THADA: variants seen among roughly 807,000 people sequenced by gnomAD.
THADA encodes THADA armadillo repeat containing, also known as tRNA (32-2'-O)-methyltransferase regulator THADA.
THADA carries 213 observed loss-of-function variants against 219.8 expected under a neutral mutation model. The observed-to-expected ratio is 0.97, with a 90% CI of 0.87 to 1.09. THADA has a LOEUF of 1.09. THADA is among the 50% of genes least tolerant of loss of function. The pLI is 0.00. For synonymous variants in THADA, 1,018 were observed against 828.9 expected (o/e 1.23, Z -3.92); for missense variants, 2,956 against 2,311.3 (o/e 1.28, Z -5.72).
chr2:43,361,147 C>T (rs1573265729), intron 29 of THADA, among the ~76,000 whole-genome samples: 17 of 152,142 alleles, frequency 1.1e-4, no homozygotes, highest in Admixed American at 9.8e-4. Context: ...ACCAAGAATC[C>T]AGCCCAAAAT....
At chr2:43,436,368 C>T (rs976135490) in intron 26 of THADA, among the ~76,000 whole-genome samples, 3 of 152,198 alleles carry the variant, frequency 2.0e-5, no homozygotes, top group Admixed American at 6.5e-5. Flanking sequence ...GAGCCTTCCT[C>T]ACCAAGGAAA....
At chr2:43,414,748 G>A (rs1041435060) in intron 28 of THADA, among the ~76,000 whole-genome samples, 9 of 152,154 alleles carry the variant, frequency 5.9e-5, no homozygotes, top group Non-Finnish European at 1.0e-4. Flanking sequence ...TCCCCTCACT[G>A]CTTCTCTGAT....
At chr2:43,494,359 G>T (rs1688008304) in intron 25 of THADA, among the ~76,000 whole-genome samples, 1 of 152,084 alleles carries the variant, frequency 6.6e-6, no homozygotes, top group Non-Finnish European at 1.5e-5. Context: ...GCTGGTCTTG[G>T]TTAGTACCAC....
chr2:43,395,269 A>T (rs183222406), intron 29 of THADA, among the ~76,000 whole-genome samples: 2 of 152,352 alleles, frequency 1.3e-5, no homozygotes, highest in East Asian at 3.9e-4. Context: ...ACACTTTGAA[A>T]AGGCTGTTCT....
intron 4 of THADA, among the ~76,000 whole-genome samples, chr2:43,588,664 T>C (rs1339507648): frequency 6.6e-6 from 1 of 152,130 alleles, no homozygotes; most frequent in Admixed American, 6.5e-5. Context: ...CATTAGATTT[T>C]AAAAGATTTA....
chr2:43,527,990 T>C lies in THADA; in HGVS notation c.3265-2A>G, dbSNP rs747128580. 6.2e-7 allele frequency: 1 copy of C among 1,602,542 alleles called. No individual in the cohort carries two copies. Among genetic ancestry groups the C allele is most frequent in the Non-Finnish European group, 8.5e-7 (1 of 1,173,146 alleles). On this transcript the variant is annotated splice_acceptor_variant, in intron 21 of 37. Transcript: ENST00000405975. LOFTEE classifies it high-confidence loss of function. ...AAAGTAATCTCCTATTTCTTTTACC[T>C]TTAAAAAAAAAGCAAAAACAAATGT... is the stretch of plus-strand genomic sequence containing the variant.
intron 24 of THADA, among the ~76,000 whole-genome samples, chr2:43,504,428 C>T (rs1689398490): frequency 1.3e-5 from 2 of 152,094 alleles, no homozygotes; most frequent in African/African-American, 2.4e-5. Flanking sequence ...CATAAAATCC[C>T]CTTTCTTTTC....
At chr2:43,567,427 C>A (rs1433921928) in intron 14 of THADA, among the ~76,000 whole-genome samples, 1 of 151,902 alleles carries the variant, frequency 6.6e-6, no homozygotes, top group African/African-American at 2.4e-5. Context: ...GTCAGAAGTT[C>A]GAGACCAGCA....
At chr2:43,461,714 A>C (rs1352591850) in intron 26 of THADA, among the ~76,000 whole-genome samples, 1 of 152,248 alleles carries the variant, frequency 6.6e-6, no homozygotes, top group East Asian at 1.9e-4. Context: ...TTGGAGAGGC[A>C]GTTTCTCCCC....
chr2:43,485,095 G>C (rs1313667049), intron 26 of THADA, 139 bp downstream of exon 26: 7 of 611,486 alleles, frequency 1.1e-5, no homozygotes, highest in Non-Finnish European at 1.9e-5. Flanking sequence ...TGGCAGCATA[G>C]GTTAATTCAT....
intron 29 of THADA, among the ~76,000 whole-genome samples, chr2:43,374,794 T>C (rs571995051): frequency 2.0e-5 from 3 of 152,240 alleles, no homozygotes; most frequent in African/African-American, 4.8e-5. Context: ...TAGGCGACTA[T>C]ACAAATTGAT....
intron 22 of THADA, among the ~76,000 whole-genome samples, chr2:43,516,390 C>T (rs550789390): frequency 1.5e-4 from 23 of 152,102 alleles, no homozygotes; most frequent in Non-Finnish European, 2.9e-4. Context: ...TTCCTATGCT[C>T]ACACTACTCC....
Position 43,505,658 on chromosome 2 carries a change from A to C in THADA, c.3585T>G (p.Ala1195=). The stretch of plus-strand genomic sequence containing the variant: ...TACTCTGTATGTCATCTGTAGGCCC[A>C]GCCAAAGAGATTAACTCTTTCATTG... ...KITMKELISL[A]GPTDDIQSTV... Residue 1195 remains alanine (A), a synonymous_variant, in exon 24 of 38, where the codon GCT becomes GCG. Transcript: ENST00000405975. 1 of 1,597,580 alleles carries C rather than the reference A, an allele frequency of 6.3e-7. No homozygotes were observed. The highest frequency in any genetic ancestry group is 8.5e-7 in the Non-Finnish European group (1 of 1,170,944).
chr2:43,581,847 T>A lies in THADA; in HGVS notation c.615A>T (p.Val205=). Residue 205 remains valine, a synonymous_variant, in exon 8 of 38, where the codon GTA becomes GTT. Coordinates refer to ENST00000405975, the MANE Select transcript of THADA (RefSeq NM_022065.5). ...LVGIRVSMML[V]QKVQDFQGNL... is the part of the protein sequence containing the mutation. Reference sequence around the variant, plus strand: ...TTCCCTGGAAATCTTGTACTTTCTGTACTAACATCATTGAAACTCTAATGC... The same window carrying A: ...TTCCCTGGAAATCTTGTACTTTCTGAACTAACATCATTGAAACTCTAATGC... The A allele has an allele frequency of 1.2e-6, 2 of 1,612,518 alleles. No individual in the cohort carries two copies. The highest frequency in any genetic ancestry group is 1.7e-6 in the Non-Finnish European group (2 of 1,179,510).
rs770293416 is a variant in THADA at position 43,574,765 on chromosome 2, C to A, written c.1300G>T (p.Asp434Tyr). 6 of 1,613,990 alleles carry A rather than the reference C, an allele frequency of 3.7e-6. No individual in the cohort carries two copies. In the South Asian group the frequency reaches 6.6e-5, roughly 18 times the overall value. ...LTVEGADFVP[D>Y]PFFVELTESL... The stretch of plus-strand genomic sequence containing the variant: ...TCAGTCAATTCCACAAAGAAAGGAT[C>A]AGGGACGAAATCTGCACCTTCCACA... Residue 434 changes from aspartate to tyrosine, a missense_variant, in exon 11 of 38, where the codon GAT becomes TAT. Coordinates refer to ENST00000405975, the MANE Select transcript of THADA (RefSeq NM_022065.5).
chr2:43,568,983 T>C (rs1488182856), intron 14 of THADA, among the ~76,000 whole-genome samples: 2 of 152,168 alleles, frequency 1.3e-5, no homozygotes, highest in Admixed American at 1.3e-4. Flanking sequence ...TTATTAATTT[T>C]TTTGAAGCAG....
intron 26 of THADA, among the ~76,000 whole-genome samples, chr2:43,475,538 GT>G (rs1241601418): frequency 7.2e-5 from 11 of 151,768 alleles, no homozygotes; most frequent in African/African-American, 2.7e-4. Context: ...GTGAATTAGA[GT>G]TTATATTAAA....
intron 26 of THADA, among the ~76,000 whole-genome samples, chr2:43,432,334 T>C (rs998871578): frequency 1.3e-5 from 2 of 152,206 alleles, no homozygotes; most frequent in Non-Finnish European, 2.9e-5. Context: ...GCACAGAGTT[T>C]ATGAAATTTA....
intron 14 of THADA, among the ~76,000 whole-genome samples, chr2:43,569,141 G>A (rs1699018061): frequency 6.6e-6 from 1 of 151,844 alleles, no homozygotes; most frequent in Non-Finnish European, 1.5e-5. Flanking sequence ...CCGTCTCAGG[G>A]TTGCCTTTTT....
Sources: allele counts gnomAD v4.1 joint callset (sites outside exome capture counted in the v4.1 genomes callset), GRCh38; gene constraint gnomAD v4.1.1; transcripts MANE v1.5; gene names NCBI Gene and HGNC (gene_info 2026-07-23, HGNC 2026-07-21).